The following SPATS2 variants were observed in gnomAD, a reference collection of about 807,000 sequenced individuals.
SPATS2 encodes spermatogenesis-associated serine-rich protein 2.
Under a neutral mutation model 63.7 loss-of-function variants are expected in SPATS2, and 38 were observed. The observed-to-expected ratio is 0.60, with a 90% CI of 0.46 to 0.78. The LOEUF is 0.78. Ranked by LOEUF, SPATS2 falls within the 30% of genes least tolerant of loss-of-function variation. SPATS2 has a pLI of 0.00. For synonymous variants in SPATS2, 207 were observed against 232.9 expected, an observed-to-expected ratio of 0.89 and a Z score of 1.01; for missense variants, 588 against 666.2, an observed-to-expected ratio of 0.88 and a Z score of 1.29.
At chr12:49,523,528 T>C (rs920897565) in intron 12 of SPATS2, among the ~76,000 whole-genome samples, 10 of 152,142 alleles carry the variant, frequency 6.6e-5, no homozygotes, top group African/African-American at 1.9e-4. Context: ...ATAATACTTG[T>C]CTTGTCTGGC....
At chr12:49,436,043 T>G (rs1945277322) in intron 2 of SPATS2, among the ~76,000 whole-genome samples, 1 of 151,568 alleles carries the variant, frequency 6.6e-6, no homozygotes, top group African/African-American at 2.4e-5. Flanking sequence ...TGTCTACCTC[T>G]TTCTACACAG....
At chr12:49,421,736 A>C (rs1944988382) in intron 2 of SPATS2, among the ~76,000 whole-genome samples, 1 of 152,254 alleles carries the variant, frequency 6.6e-6, no homozygotes, top group Admixed American at 6.5e-5. Flanking sequence ...AAACAAAGAA[A>C]AGTTACTCTT....
intron 2 of SPATS2, among the ~76,000 whole-genome samples, chr12:49,423,837 A>G (rs897479183): frequency 6.6e-6 from 1 of 152,154 alleles, no homozygotes; most frequent in Non-Finnish European, 1.5e-5. Context: ...AAGGCATTTT[A>G]AATATTATGT....
intron 2 of SPATS2, among the ~76,000 whole-genome samples, chr12:49,400,353 G>A (rs950687637): frequency 5.9e-5 from 9 of 152,212 alleles, no homozygotes; most frequent in African/African-American, 1.9e-4. Flanking sequence ...GCTTCTTGGA[G>A]TGTTGCTGTG....
At position 49,473,925 on chromosome 12, in the gene SPATS2, TAAAGAA is replaced by T. The variant is rs542850877; in HGVS notation, c.26-10663_26-10658del. On this transcript the variant is annotated intron_variant, in intron 3 of 13. Coordinates refer to ENST00000552918, the MANE Select transcript of SPATS2 (RefSeq NM_023071.4). Reference sequence around the variant, plus strand: ...TATTAGTCCGTTTTCCTGCTGCTGATAAAGAAAGGAAGTGGAAGTCCAGAGAGCGAT... The same window carrying T: ...TATTAGTCCGTTTTCCTGCTGCTGATAGGAAGTGGAAGTCCAGAGAGCGAT... Among the ~76,000 whole-genome samples the T allele has an allele frequency of 2.0e-4, 31 of 152,308 alleles. No individual in the cohort carries two copies. In the South Asian group the frequency reaches 4.6e-3, roughly 22 times the overall value.
intron 6 of SPATS2, among the ~76,000 whole-genome samples, chr12:49,493,120 A>G (rs1946411377): frequency 1.3e-5 from 2 of 151,506 alleles, no homozygotes; most frequent in Non-Finnish European, 2.9e-5. Flanking sequence ...AAAAAAAAGA[A>G]AGAAAGAAAG....
At chr12:49,418,942 C>T (rs1189044305) in intron 2 of SPATS2, among the ~76,000 whole-genome samples, 1 of 152,176 alleles carries the variant, frequency 6.6e-6, no homozygotes, top group Non-Finnish European at 1.5e-5. Flanking sequence ...GACTTCACTA[C>T]AGTTCCTTAA....
chr12:49,411,807 C>T (rs1192025327), intron 2 of SPATS2, among the ~76,000 whole-genome samples: 3 of 152,198 alleles, frequency 2.0e-5, no homozygotes. Flanking sequence ...GGCCTCCTTG[C>T]TATTCTTCTT....
At chr12:49,454,352 A>C (rs189467891) in intron 2 of SPATS2, 1 of 152,416 alleles carries the variant, frequency 6.6e-6, no homozygotes, top group Admixed American at 6.5e-5. Context: ...AAGAGAACAC[A>C]CATCATACAG....
rs373952063 is a variant in SPATS2, at chr12:49,429,709, G to A, written c.-243-31061G>A. Among the ~76,000 whole-genome samples the A allele has an allele frequency of 4.8e-4, 72 of 151,484 alleles. No homozygotes were observed. The South Asian group carries it at 0.012, about 25-fold the overall frequency. On this transcript the variant is annotated intron_variant, in intron 2 of 13. Transcript: ENST00000552918. ...GACCTCAAGTGATCCACCAGCCTTC[G>A]CCTCCCAAAGTGCTGGGATTACAAG... is the stretch of plus-strand genomic sequence containing the variant.
At chr12:49,446,860 CTT>C (rs1945519948) in intron 2 of SPATS2, among the ~76,000 whole-genome samples, 1 of 151,960 alleles carries the variant, frequency 6.6e-6, no homozygotes, top group African/African-American at 2.4e-5. Flanking sequence ...GGGGAGATAT[CTT>C]TAGAATTCTG....
chr12:49,379,705 C>T (rs534955311), intron 2 of SPATS2, among the ~76,000 whole-genome samples: 8 of 150,122 alleles, frequency 5.3e-5, no homozygotes, highest in African/African-American at 2.0e-4. Flanking sequence ...TCACTGCAAC[C>T]TCTGCCTCCT....
chr12:49,497,407 T>C (rs34061029), intron 8 of SPATS2, among the ~76,000 whole-genome samples: 32,455 of 149,224 alleles, frequency 0.22, 5,399 homozygotes, highest in African/African-American at 0.48. Flanking sequence ...TTTTTTTTTT[T>C]CCCCCGAGAC....
intron 2 of SPATS2, among the ~76,000 whole-genome samples, chr12:49,418,117 T>G (rs1033270015): frequency 2.1e-5 from 3 of 140,802 alleles, no homozygotes; most frequent in Non-Finnish European, 4.6e-5. Flanking sequence ...AGTTTTTTTT[T>G]TTTTTTTTTT....
chr12:49,521,676 T>C (rs1946943692), intron 11 of SPATS2, among the ~76,000 whole-genome samples: 1 of 152,220 alleles, frequency 6.6e-6, no homozygotes, highest in South Asian at 2.1e-4. Flanking sequence ...GCAATTTAAA[T>C]GTCTTATTTC....
intron 2 of SPATS2, among the ~76,000 whole-genome samples, chr12:49,392,686 G>A (rs550043855): frequency 3.9e-4 from 59 of 151,810 alleles, no homozygotes; most frequent in Admixed American, 5.3e-4. Context: ...GCACTCCAGC[G>A]CCTAGGCAAC....
In SPATS2 at chr12:49,522,792, A is replaced by G. The variant is rs1313550985; in HGVS notation, c.1050A>G (p.Arg350=). The G allele has an allele frequency of 6.2e-7, 1 of 1,613,914 alleles. No homozygotes were observed. The highest frequency in any genetic ancestry group is 1.3e-5 in the African/African-American group (1 of 75,052). Reference sequence around the variant, plus strand: ...GTAAATATGATGAGGATCTGGGACGAGTAGCCCGGTTCACCTGTGATGTAG... The same window carrying G: ...GTAAATATGATGAGGATCTGGGACGGGTAGCCCGGTTCACCTGTGATGTAG... ...SERKYDEDLG[R]VARFTCDVET... is the part of the protein sequence containing the mutation. The change falls in exon 12 of 14, where the codon CGA becomes CGG. Residue 350 remains arginine (R), a synonymous_variant. Transcript: ENST00000552918.
chr12:49,428,964 G>T (rs1945132240), intron 2 of SPATS2, among the ~76,000 whole-genome samples: 1 of 152,186 alleles, frequency 6.6e-6, no homozygotes, highest in Non-Finnish European at 1.5e-5. Flanking sequence ...ATTTAGCTCA[G>T]TTGGGTTTGG....
chr12:49,527,408 A>G lies in SPATS2; in HGVS notation c.*1153A>G, dbSNP rs1310780405. On this transcript the variant is annotated 3_prime_UTR_variant, in exon 14 of 14. Coordinates refer to ENST00000552918, the MANE Select transcript of SPATS2 (RefSeq NM_023071.4). ...CTTTACAGTTGAATAAATAAAAACA[A>G]CTGCATAAATATGCCCACTTTTGTT... The G allele has an allele frequency of 6.6e-6, 1 of 151,852 alleles. No homozygotes were observed. The highest frequency in any genetic ancestry group is 1.5e-5 in the Non-Finnish European group (1 of 68,014). The allele number at this position is 151,852 out of a possible 1,614,324, so 9.4% of individuals were successfully genotyped here. A position where few individuals can be genotyped will look rare whatever the true frequency, so the allele number is the denominator to read the frequency against.
Sources: allele counts gnomAD v4.1 joint callset (sites outside exome capture counted in the v4.1 genomes callset), GRCh38; gene constraint gnomAD v4.1.1; transcripts MANE v1.5; gene names NCBI Gene and HGNC (gene_info 2026-07-23, HGNC 2026-07-21).